The following SLC35F4 variants were observed in gnomAD, a reference collection of about 807,000 sequenced individuals.
The protein encoded by SLC35F4 is solute carrier family 35 member F4.
SLC35F4 carries 24 observed loss-of-function variants against 44.2 expected under a neutral mutation model. The observed-to-expected ratio is 0.54, with a 90% CI of 0.39 to 0.76. The LOEUF (loss-of-function observed/expected upper bound fraction) is 0.76. SLC35F4 is among the 30% of genes least tolerant of loss of function. The probability of loss-of-function intolerance (pLI) is 0.00; values close to 1 mark genes in which losing one functional copy is unlikely to be tolerated. For synonymous variants in SLC35F4, 238 were observed against 223.6 expected, an observed-to-expected ratio of 1.06 and a Z score of -0.57; for missense variants, 562 against 586.1, an observed-to-expected ratio of 0.96 and a Z score of 0.42.
chr14:57,718,131 C>T (rs1289342879), intron 1 of SLC35F4, among the ~76,000 whole-genome samples: 4 of 152,150 alleles, frequency 2.6e-5, no homozygotes, highest in African/African-American at 9.7e-5. Context: ...CTATGTTTGT[C>T]TTTCTGTGCC....
intron 3 of SLC35F4, among the ~76,000 whole-genome samples, chr14:57,582,972 C>T (rs999226742): frequency 7.9e-5 from 12 of 152,106 alleles, no homozygotes; most frequent in African/African-American, 2.2e-4. Flanking sequence ...TGCAGGTCAC[C>T]GGTTCCAGGA....
intron 1 of SLC35F4, among the ~76,000 whole-genome samples, chr14:57,910,247 C>G (rs1889190836): frequency 6.6e-6 from 1 of 151,936 alleles, no homozygotes; most frequent in Admixed American, 6.6e-5. Flanking sequence ...TAGAATTTGG[C>G]TTGTCTTCTC....
At chr14:57,661,627 T>A (rs1481498845) in intron 1 of SLC35F4, among the ~76,000 whole-genome samples, 1 of 152,174 alleles carries the variant, frequency 6.6e-6, no homozygotes, top group Non-Finnish European at 1.5e-5. Flanking sequence ...ATATCAAGCT[T>A]GTAGCTACTG....
intron 1 of SLC35F4, among the ~76,000 whole-genome samples, chr14:57,605,538 G>C (rs2071109857): frequency 6.6e-6 from 1 of 152,094 alleles, no homozygotes; most frequent in African/African-American, 2.4e-5. Context: ...ACTGTAGAGA[G>C]CAACTTGGAG....
At chr14:57,865,071 A>T (rs922268827) in intron 1 of SLC35F4, among the ~76,000 whole-genome samples, 1 of 43,156 alleles carries the variant, frequency 2.3e-5, no homozygotes, top group African/African-American at 9.0e-5. Flanking sequence ...CCCCCCCCCC[A>T]CGCCCCCAGT....
chr14:57,732,762 T>G (rs2076374789), intron 1 of SLC35F4, among the ~76,000 whole-genome samples: 1 of 152,114 alleles, frequency 6.6e-6, no homozygotes, highest in Non-Finnish European at 1.5e-5. Context: ...GGAAGATCTA[T>G]CCACAAAAAG....
intron 1 of SLC35F4, among the ~76,000 whole-genome samples, chr14:57,802,160 C>T (rs929337161): frequency 1.3e-5 from 2 of 152,092 alleles, no homozygotes; most frequent in African/African-American, 4.8e-5. Context: ...TAAATTAGAA[C>T]TGAATATTAA....
intron 1 of SLC35F4, among the ~76,000 whole-genome samples, chr14:57,965,277 C>G (rs1890417228): frequency 6.6e-6 from 1 of 152,162 alleles, no homozygotes; most frequent in Non-Finnish European, 1.5e-5. Context: ...TCCTCCAAAT[C>G]TTCACAGCCA....
intron 1 of SLC35F4, among the ~76,000 whole-genome samples, chr14:57,835,491 G>T (rs1359897946): frequency 1.3e-5 from 2 of 152,148 alleles, no homozygotes; most frequent in Admixed American, 1.3e-4. Flanking sequence ...TGACTGATTT[G>T]CTTTTCACAT....
chr14:57,952,452 G>A (rs1198661264), intron 1 of SLC35F4, among the ~76,000 whole-genome samples: 1 of 152,098 alleles, frequency 6.6e-6, no homozygotes, highest in Non-Finnish European at 1.5e-5. Context: ...CTAATTGGCA[G>A]AAGTAGGCTT....
chr14:57,630,208 A>G (rs566754466), intron 1 of SLC35F4: 1 of 567,114 alleles, frequency 1.8e-6, no homozygotes, highest in Admixed American at 1.9e-5. Context: ...GAAGGGAAGA[A>G]TGTGTACAGT....
At chr14:57,900,826 C>A (rs1208738523) in intron 1 of SLC35F4, among the ~76,000 whole-genome samples, 1 of 151,768 alleles carries the variant, frequency 6.6e-6, no homozygotes. Flanking sequence ...AACAAATTTA[C>A]AAGAAAAAAA....
At chr14:57,935,666 C>T (rs764638650) in intron 1 of SLC35F4, among the ~76,000 whole-genome samples, 2 of 152,158 alleles carry the variant, frequency 1.3e-5, no homozygotes, top group African/African-American at 2.4e-5. Context: ...GGCCCAGATC[C>T]CCAAAAATTC....
chr14:57,856,451 T>A (rs1310594915), intron 1 of SLC35F4, among the ~76,000 whole-genome samples: 16 of 152,012 alleles, frequency 1.1e-4, no homozygotes. Flanking sequence ...ATAAGGTACA[T>A]CTAAAATTTA....
chr14:57,707,691 T>G (rs1384183169), intron 1 of SLC35F4, among the ~76,000 whole-genome samples: 3 of 152,150 alleles, frequency 2.0e-5, no homozygotes, highest in Non-Finnish European at 2.9e-5. Context: ...ACTTTGGAAC[T>G]GGGTAATGGG....
At chr14:57,736,426 G>A (rs75269553) in intron 1 of SLC35F4, among the ~76,000 whole-genome samples, 3 of 152,174 alleles carry the variant, frequency 2.0e-5, no homozygotes, top group South Asian at 2.1e-4. Flanking sequence ...GCACAGGAGG[G>A]CCTGTATAGT....
intron 1 of SLC35F4, among the ~76,000 whole-genome samples, chr14:57,772,818 T>G (rs571423419): frequency 1.3e-5 from 2 of 152,324 alleles, no homozygotes; most frequent in East Asian, 3.9e-4. Flanking sequence ...TGTGAATGTA[T>G]GAGTACCGGT....
chr14:57,605,957 CAA>C (rs2071138685), intron 1 of SLC35F4, among the ~76,000 whole-genome samples: 1 of 152,110 alleles, frequency 6.6e-6, no homozygotes, highest in South Asian at 2.1e-4. Context: ...CTGGGGAAGA[CAA>C]GAGGGGGAAG....
At chr14:57,700,016 G>A (rs879902433) in intron 1 of SLC35F4, among the ~76,000 whole-genome samples, 1 of 152,114 alleles carries the variant, frequency 6.6e-6, no homozygotes. Flanking sequence ...ACCACAAATA[G>A]TACTGAACCC....
Sources: allele counts gnomAD v4.1 joint callset (sites outside exome capture counted in the v4.1 genomes callset), GRCh38; gene constraint gnomAD v4.1.1; transcripts MANE v1.5; gene names NCBI Gene and HGNC (gene_info 2026-07-23, HGNC 2026-07-21).